The following NANS variants were observed in gnomAD, a reference collection of about 807,000 sequenced individuals.
NANS encodes N-acetylneuraminate synthase, also known as N-acetylneuraminate-9-phosphate synthase.
NANS carries 29 observed loss-of-function variants against 33.3 expected under a neutral mutation model. That is an observed-to-expected ratio of 0.87 (90% confidence interval 0.65 to 1.19). The LOEUF is 1.19. Among genes scored for constraint, NANS ranks in the 50% most tolerant of loss-of-function variants. The pLI is 0.00. For synonymous variants in NANS, 163 were observed against 177.2 expected (o/e 0.92, Z 0.64); for missense variants, 394 against 461.1 (o/e 0.85, Z 1.33).
rs551840528 is a variant in NANS at position 98,069,747 on chromosome 9, G to A, written c.349-7171G>A. ...ATGAGTAGTTGCCAAAGGTTAGTAA[G>A]GGGAAGGGGATGTGGTTATAAAGGG... On this transcript the variant is annotated intron_variant, in intron 2 of 5. Transcript: ENST00000210444. 4 of 152,440 alleles carry A rather than the reference G, an allele frequency of 2.6e-5. No homozygotes were observed. The East Asian group carries it at 7.7e-4, about 29-fold the overall frequency. 9.4% of individuals were successfully genotyped at this position (152,440 alleles called of 1,614,324 possible).
intron 1 of NANS, among the ~76,000 whole-genome samples, chr9:98,059,035 T>C (rs1344433622): frequency 6.6e-6 from 1 of 152,104 alleles, no homozygotes; most frequent in Admixed American, 6.6e-5. Context: ...TTTTATTTTT[T>C]TTTTTCAAGA....
intron 3 of NANS, 80 bp from the exon 4 acceptor site, chr9:98,078,113 G>T: frequency 6.3e-7 from 1 of 1,583,642 alleles, no homozygotes; most frequent in South Asian, 1.1e-5. Context: ...TGAATGATGA[G>T]ACCAGCAGTT....
intron 2 of NANS, among the ~76,000 whole-genome samples, chr9:98,061,514 T>G: frequency 1.4e-5 from 2 of 140,200 alleles, no homozygotes; most frequent in East Asian, 2.1e-4. Flanking sequence ...AGGCGCGGTG[T>G]CTCACACCTG....
intron 3 of NANS, among the ~76,000 whole-genome samples, chr9:98,077,590 T>C (rs1001504712): frequency 2.0e-5 from 3 of 152,094 alleles, no homozygotes; most frequent in Admixed American, 2.0e-4. Flanking sequence ...TGGTGGTGCA[T>C]TACTGTGGCC....
intron 4 of NANS, among the ~76,000 whole-genome samples, chr9:98,079,596 AAT>A (rs1338541172): frequency 4.6e-5 from 7 of 152,220 alleles, no homozygotes; most frequent in African/African-American, 1.7e-4. Context: ...AAAATTTAAA[AAT>A]GATTTCTGTG....
intron 1 of NANS, 53 bp downstream of exon 1, chr9:98,056,993 G>GGGGCC (rs1587900103): frequency 3.3e-6 from 5 of 1,500,978 alleles, no homozygotes; most frequent in Non-Finnish European, 3.6e-6. Flanking sequence ...GGGGCGGGGC[G>GGGGCC]GGGCCGCGGG....
chr9:98,065,276 T>C (rs969603322), intron 2 of NANS, among the ~76,000 whole-genome samples: 4 of 151,120 alleles, frequency 2.6e-5, no homozygotes, highest in African/African-American at 9.7e-5. Context: ...TGAAATAATA[T>C]TATTCTTTTA....
intron 2 of NANS, among the ~76,000 whole-genome samples, chr9:98,066,595 C>G (rs939932146): frequency 6.6e-6 from 1 of 151,868 alleles, no homozygotes; most frequent in Non-Finnish European, 1.5e-5. Context: ...GAAAAACTAC[C>G]TATTAGCAGC....
rs3199064 is a variant in NANS at position 98,056,788 on chromosome 9, T to G, written c.-21T>G. 0.47 allele frequency: 759,019 copies of G among 1,607,248 alleles called. 189,454 individuals are homozygous for G. The highest frequency in any genetic ancestry group is 0.9 in the African/African-American group (67,208 of 74,746). ...GCCGGACCCAGACTGGTAGTGAGGCTTTGGACCCCGAGCCGCTGCAATGCC... is the reference window on the plus strand; with the variant it reads ...GCCGGACCCAGACTGGTAGTGAGGCGTTGGACCCCGAGCCGCTGCAATGCC... On this transcript the variant is annotated 5_prime_UTR_variant, in exon 1 of 6. Coordinates refer to ENST00000210444, the MANE Select transcript of NANS (RefSeq NM_018946.4).
chr9:98,081,243 T>A, intron 5 of NANS, 161 bp downstream of exon 5: 2 of 903,058 alleles, frequency 2.2e-6, no homozygotes, highest in Non-Finnish European at 3.3e-6. Flanking sequence ...TTCTCTTCAG[T>A]AATGCATGTC....
rs138888915 is a variant in NANS, at chr9:98,074,069, G to A, written c.349-2849G>A. On this transcript the variant is annotated intron_variant, in intron 2 of 5. Coordinates refer to ENST00000210444, the MANE Select transcript of NANS (RefSeq NM_018946.4). ...CCAAAGTGCTGGGATTACAGGCATG[G>A]GCTACCATGCCTGGCCAGAATTAAT... Among the ~76,000 whole-genome samples the A allele has an allele frequency of 7.0e-3, 1,070 of 152,242 alleles. 8 individuals are homozygous for A. Among genetic ancestry groups the A allele is most frequent in the African/African-American group, 0.024 (1,012 of 41,534 alleles).
intron 2 of NANS, chr9:98,069,170 T>C (rs1229813644): frequency 6.6e-6 from 1 of 152,210 alleles, no homozygotes. Context: ...TCTTAGTAGC[T>C]CAAAACTAGA....
chr9:98,062,085 G>A (rs1220563920), intron 2 of NANS, among the ~76,000 whole-genome samples: 1 of 151,920 alleles, frequency 6.6e-6, no homozygotes, highest in Admixed American at 6.6e-5. Flanking sequence ...AGCCAGGCGT[G>A]GTGGCGTACT....
intron 2 of NANS, among the ~76,000 whole-genome samples, chr9:98,061,507 C>A (rs953509550): frequency 6.9e-6 from 1 of 145,664 alleles, no homozygotes; most frequent in South Asian, 2.2e-4. Flanking sequence ...AAAGGCCAGG[C>A]GCGGTGTCTC....
At chr9:98,073,102 C>A (rs1829416345) in intron 2 of NANS, among the ~76,000 whole-genome samples, 1 of 151,994 alleles carries the variant, frequency 6.6e-6, no homozygotes, top group African/African-American at 2.4e-5. Context: ...GAGGGACATG[C>A]TCTCCTCACA....
intron 1 of NANS, among the ~76,000 whole-genome samples, chr9:98,059,479 A>G (rs1828915197): frequency 2.0e-5 from 3 of 152,296 alleles, no homozygotes; most frequent in Admixed American, 2.0e-4. Context: ...CAGTGGCACC[A>G]TCATAGCTCA....
intron 1 of NANS, among the ~76,000 whole-genome samples, chr9:98,058,207 A>G (rs1828883565): frequency 6.6e-6 from 1 of 151,802 alleles, no homozygotes; most frequent in African/African-American, 2.4e-5. Flanking sequence ...GTGAGCCACC[A>G]CCCTCGGCCC....
intron 2 of NANS, chr9:98,076,193 G>T (rs1390686739): frequency 6.6e-6 from 1 of 152,164 alleles, no homozygotes; most frequent in East Asian, 1.9e-4. Flanking sequence ...CTTTCGCCAA[G>T]AATTGAAATA....
In NANS at chr9:98,083,050, T is replaced by G. The variant is rs771334694; in HGVS notation, c.1075T>G (p.Ser359Ala). Residue 359 changes from serine (S) to alanine (A), a missense_variant, in exon 6 of 6, where the codon TCT (serine) becomes GCT (alanine). Ser to Ala is a moderately conservative substitution (Grantham distance 99). Transcript: ENST00000210444. ...LVDNHGKKIK[S>A] ...AGATAATCATGGCAAAAAAATCAAG[T>G]CTTAAAAATAAAGTGCCATTCTCTG... The G allele has an allele frequency of 6.2e-7, 1 of 1,613,866 alleles. No homozygotes were observed. The highest frequency in any genetic ancestry group is 8.5e-7 in the Non-Finnish European group (1 of 1,179,844).
Sources: gnomAD v4.1 joint callset for allele counts (sites outside exome capture counted in the v4.1 genomes callset) on GRCh38, gnomAD v4.1.1 for gene constraint, MANE v1.5 for transcripts, NCBI Gene and HGNC (gene_info 2026-07-23, HGNC 2026-07-21) for gene names.